Variants in SGCZ observed in about 807,000 individuals in gnomAD.
The protein encoded by SGCZ is zeta-sarcoglycan.
SGCZ carries 40 observed loss-of-function variants against 41.3 expected under a neutral mutation model. The ratio of observed to expected loss-of-function variants is 0.97; its 90% confidence interval spans 0.75 to 1.26. The LOEUF is 1.26. SGCZ is among the 50% of genes most tolerant of loss of function. The probability of loss-of-function intolerance (pLI) is 0.00; values close to 1 mark genes in which losing one functional copy is unlikely to be tolerated. For missense variants in SGCZ, 552 were observed against 369.8 expected (o/e 1.49, Z -4.04); for synonymous variants, 206 against 137.5 (o/e 1.50, Z -3.49).
intron 1 of SGCZ, among the ~76,000 whole-genome samples, chr8:14,927,840 A>T (rs998468187): frequency 6.6e-6 from 1 of 152,152 alleles, no homozygotes; most frequent in Admixed American, 6.5e-5. Context: ...TAATTAATAC[A>T]TATAGTACCA....
chr8:14,486,626 T>C (rs922230091), intron 2 of SGCZ, among the ~76,000 whole-genome samples: 1 of 152,188 alleles, frequency 6.6e-6, no homozygotes, highest in African/African-American at 2.4e-5. Flanking sequence ...CAGGCTGAAG[T>C]GCCACGGCAC....
chr8:15,030,260 C>T (rs1023238057), intron 1 of SGCZ, among the ~76,000 whole-genome samples: 1 of 152,096 alleles, frequency 6.6e-6, no homozygotes, highest in Non-Finnish European at 1.5e-5. Flanking sequence ...ATGCCAAGAT[C>T]TTATTCATCC....
intron 3 of SGCZ, among the ~76,000 whole-genome samples, chr8:14,263,232 C>G (rs1161611625): frequency 3.3e-5 from 5 of 151,986 alleles, no homozygotes; most frequent in African/African-American, 1.2e-4. Flanking sequence ...TGAAGCAGGA[C>G]ACAGTAATAT....
chr8:14,113,954 C>A (rs1224779857), intron 5 of SGCZ, among the ~76,000 whole-genome samples: 3 of 152,000 alleles, frequency 2.0e-5, no homozygotes, highest in African/African-American at 7.2e-5. Flanking sequence ...AGATCTGAAT[C>A]TAAATTATAG....
At chr8:14,645,478 T>TATATATATA (rs1807178145) in intron 1 of SGCZ, among the ~76,000 whole-genome samples, 2 of 106,594 alleles carry the variant, frequency 1.9e-5, no homozygotes, top group Admixed American at 2.0e-4. Context: ...ATATATATAT[T>TATATATATA]TATATGTATA....
chr8:14,203,749 T>C (rs1805530367), intron 4 of SGCZ, among the ~76,000 whole-genome samples: 2 of 152,240 alleles, frequency 1.3e-5, no homozygotes, highest in East Asian at 1.9e-4. Flanking sequence ...AATCAGATAA[T>C]TAAAGCAGAA....
At chr8:14,498,888 C>T (rs1007840889) in intron 2 of SGCZ, among the ~76,000 whole-genome samples, 1 of 151,548 alleles carries the variant, frequency 6.6e-6, no homozygotes, top group South Asian at 2.1e-4. Flanking sequence ...AGTTTCAGGA[C>T]ATTTCGATGT....
At chr8:14,259,181 T>A (rs1001970386) in intron 3 of SGCZ, among the ~76,000 whole-genome samples, 48 of 152,218 alleles carry the variant, frequency 3.2e-4, no homozygotes, top group African/African-American at 1.1e-3. Context: ...TTTCCATTTA[T>A]GCCATAGATA....
chr8:14,153,278 T>A (rs944344488), intron 5 of SGCZ, among the ~76,000 whole-genome samples: 2 of 152,196 alleles, frequency 1.3e-5, no homozygotes, highest in Non-Finnish European at 2.9e-5. Context: ...ATTTCCCCCA[T>A]AAACTCAGGA....
intron 2 of SGCZ, among the ~76,000 whole-genome samples, chr8:14,505,274 G>C (rs1183271761): frequency 6.6e-6 from 1 of 152,130 alleles, no homozygotes; most frequent in Non-Finnish European, 1.5e-5. Flanking sequence ...ATATGTGTTT[G>C]AATGTGTTTT....
chr8:14,628,349 C>T (rs1185302008), intron 1 of SGCZ, among the ~76,000 whole-genome samples: 3 of 132,720 alleles, frequency 2.3e-5, no homozygotes, highest in Admixed American at 2.2e-4. Flanking sequence ...AGCTGATAAC[C>T]TCCCTCTAAT....
At chr8:14,904,740 C>CT (rs1314587591) in intron 1 of SGCZ, among the ~76,000 whole-genome samples, 3 of 152,032 alleles carry the variant, frequency 2.0e-5, no homozygotes, top group Admixed American at 2.0e-4. Flanking sequence ...ATTTGATAGT[C>CT]TATGTTACTG....
intron 1 of SGCZ, among the ~76,000 whole-genome samples, chr8:14,641,759 T>C (rs1313929193): frequency 6.6e-6 from 1 of 151,678 alleles, no homozygotes; most frequent in Admixed American, 6.6e-5. Flanking sequence ...AAACCCACTT[T>C]CTAGCGTATG....
chr8:14,621,324 T>C (rs1337177733), intron 1 of SGCZ, among the ~76,000 whole-genome samples: 1 of 147,632 alleles, frequency 6.8e-6, no homozygotes, highest in Non-Finnish European at 1.5e-5. Flanking sequence ...CATTAGGAGA[T>C]ATACCTAATG....
intron 5 of SGCZ, among the ~76,000 whole-genome samples, chr8:14,120,515 A>C (rs1020524930): frequency 3.3e-5 from 5 of 152,128 alleles, no homozygotes; most frequent in Non-Finnish European, 5.9e-5. Context: ...TAGAATCACC[A>C]CTTTAATTCA....
At chr8:14,297,869 A>C (rs1350240676) in intron 3 of SGCZ, among the ~76,000 whole-genome samples, 3 of 152,058 alleles carry the variant, frequency 2.0e-5, no homozygotes, top group Non-Finnish European at 4.4e-5. Flanking sequence ...AAAAAAAAGG[A>C]GAAGACTTTG....
At chr8:14,545,414 CT>C (rs11286961) in intron 2 of SGCZ, among the ~76,000 whole-genome samples, 44,757 of 107,680 alleles carry the variant, frequency 0.42, 8,262 homozygotes, top group East Asian at 0.69. Flanking sequence ...CAAATGCTTA[CT>C]TTTTTTTTTT....
At chr8:14,194,971 A>C (rs1449529779) in intron 4 of SGCZ, among the ~76,000 whole-genome samples, 1 of 152,110 alleles carries the variant, frequency 6.6e-6, no homozygotes, top group Non-Finnish European at 1.5e-5. Flanking sequence ...AATCTGTTCA[A>C]CTAACTTAAT....
At position 15,214,296 on chromosome 8, in the gene SGCZ, A is replaced by G. The variant is rs551166035; in HGVS notation, c.39+23289T>C. 2.0e-5 allele frequency among the ~76,000 whole-genome samples: 3 copies of G among 152,262 alleles called. No individual in the cohort carries two copies. In the South Asian group the frequency reaches 6.2e-4, roughly 32 times the overall value. ...TTGATTTTTGGTTTGTTTTAAAGGA[A>G]CATGCAAAACAGCCTGAAAAGCATA... On this transcript the variant is annotated intron_variant, in intron 1 of 7. Coordinates refer to ENST00000382080, the MANE Select transcript of SGCZ (RefSeq NM_139167.4).
Sources: allele counts gnomAD v4.1 joint callset (sites outside exome capture counted in the v4.1 genomes callset), GRCh38; gene constraint gnomAD v4.1.1; transcripts MANE v1.5; gene names NCBI Gene and HGNC (gene_info 2026-07-23, HGNC 2026-07-21).